RAP2A: variants seen among roughly 807,000 people sequenced by gnomAD.
RAP2A encodes RAP2A, member of RAS oncogene family.
In RAP2A, 5 loss-of-function variants were observed where a neutral mutation model predicts 15.1. That is an observed-to-expected ratio of 0.33 (90% CI 0.17 to 0.70). RAP2A has a LOEUF of 0.70. Among genes scored for constraint, RAP2A ranks in the 30% least tolerant of loss-of-function variants. The pLI is 0.68. For synonymous variants in RAP2A, 110 were observed against 99.7 expected (o/e 1.10, Z -0.62); for missense variants, 111 against 240.3 (o/e 0.46, Z 3.56).
intron 1 of RAP2A, among the ~76,000 whole-genome samples, chr13:97,458,102 T>C (rs1477420207): frequency 6.6e-6 from 1 of 152,142 alleles, no homozygotes; most frequent in Non-Finnish European, 1.5e-5. Flanking sequence ...AGACGTAAGC[T>C]CCAAAGCCAT....
chr13:97,434,862 T>C, intron 1 of RAP2A, 78 bp downstream of exon 1: 1 of 1,564,552 alleles, frequency 6.4e-7, no homozygotes, highest in Admixed American at 1.8e-5. Flanking sequence ...CGCGCGGGGC[T>C]CCGGGGAAGG....
chr13:97,434,343 C>T lies in RAP2A; in HGVS notation c.-128C>T, dbSNP rs1342812819. On this transcript the variant is annotated 5_prime_UTR_variant, in exon 1 of 2. Coordinates refer to ENST00000245304, the MANE Select transcript of RAP2A (RefSeq NM_021033.7). Reference sequence around the variant, plus strand: ...GCCGCCGGCGCCCAGGGGGCCGCCGCGGCTGTGAGGTGGGGGCGGCAGCGG... The same window carrying T: ...GCCGCCGGCGCCCAGGGGGCCGCCGTGGCTGTGAGGTGGGGGCGGCAGCGG... 1.9e-4 allele frequency: 140 copies of T among 756,344 alleles called. No individual in the cohort carries two copies. In the African/African-American group the frequency reaches 2.5e-3, roughly 14 times the overall value. 46.9% of individuals were successfully genotyped at this position (756,344 alleles called of 1,614,324 possible).
At chr13:97,461,967 A>ATAT (rs1566475698) in intron 1 of RAP2A, among the ~76,000 whole-genome samples, 2 of 138,572 alleles carry the variant, frequency 1.4e-5, no homozygotes, top group Non-Finnish European at 3.1e-5. Flanking sequence ...CGTCTCAAAA[A>ATAT]AAAAATATAT....
At chr13:97,436,421 C>T (rs1336510689) in intron 1 of RAP2A, among the ~76,000 whole-genome samples, 2 of 152,090 alleles carry the variant, frequency 1.3e-5, no homozygotes, top group Non-Finnish European at 2.9e-5. Flanking sequence ...AGGCCAAATG[C>T]ATACATCAAA....
chr13:97,452,728 G>A (rs922035182), intron 1 of RAP2A, among the ~76,000 whole-genome samples: 4 of 151,046 alleles, frequency 2.6e-5, no homozygotes, highest in African/African-American at 7.3e-5. Context: ...AAGTCAATTA[G>A]TAGAGAAATT....
intron 1 of RAP2A, among the ~76,000 whole-genome samples, chr13:97,461,990 T>TATATATATATATA (rs1566475726): frequency 4.2e-5 from 6 of 141,778 alleles, no homozygotes; most frequent in African/African-American, 1.6e-4. Flanking sequence ...ATATATATAT[T>TATATATATATATA]TATATATTTA....
intron 1 of RAP2A, among the ~76,000 whole-genome samples, chr13:97,461,198 G>C (rs1482657603): frequency 6.6e-6 from 1 of 152,290 alleles, no homozygotes; most frequent in Non-Finnish European, 1.5e-5. Flanking sequence ...GGCAGAACTG[G>C]AAGCAGAGCC....
chr13:97,447,339 C>T (rs1295248766), intron 1 of RAP2A, among the ~76,000 whole-genome samples: 1 of 152,176 alleles, frequency 6.6e-6, no homozygotes, highest in Admixed American at 6.5e-5. Context: ...CTGCCGTCTC[C>T]CCCTTCACTC....
At chr13:97,446,261 ACTCT>A (rs986400546) in intron 1 of RAP2A, among the ~76,000 whole-genome samples, 2 of 149,578 alleles carry the variant, frequency 1.3e-5, no homozygotes, top group African/African-American at 4.9e-5. Flanking sequence ...GTTACCTCAA[ACTCT>A]CTCTTTTTTT....
chr13:97,434,437 G>GGGCGGCGGC lies in RAP2A; in HGVS notation c.-21_-13dup, dbSNP rs755279212. On this transcript the variant is annotated 5_prime_UTR_variant, in exon 1 of 2. Transcript: ENST00000245304. ...CGCGGCCGGCGTAGGTCTATGTCGCGGGCGGCGGCGGCGGCGGCGGCCGCG... is the reference window on the plus strand; with the variant it reads ...CGCGGCCGGCGTAGGTCTATGTCGCGGGCGGCGGCGGCGGCGGCGGCGGCGGCGGCCGCG... The GGGCGGCGGC allele has an allele frequency of 5.8e-6, 9 of 1,543,570 alleles. No individual in the cohort carries two copies. Among genetic ancestry groups the GGGCGGCGGC allele is most frequent in the East Asian group, 4.6e-5 (2 of 43,276 alleles).
At chr13:97,450,130 CTTCT>C (rs2066696326) in intron 1 of RAP2A, among the ~76,000 whole-genome samples, 1 of 152,130 alleles carries the variant, frequency 6.6e-6, no homozygotes, top group Admixed American at 6.6e-5. Context: ...AGCTTTCAAG[CTTCT>C]TTATTTAAAT....
chr13:97,453,247 G>GA (rs2066709974), intron 1 of RAP2A, among the ~76,000 whole-genome samples: 1 of 151,092 alleles, frequency 6.6e-6, no homozygotes, highest in Non-Finnish European at 1.5e-5. Context: ...GTTTTTCCCA[G>GA]TGAGGTAACA....
chr13:97,454,029 T>C (rs1686739485), intron 1 of RAP2A, among the ~76,000 whole-genome samples: 1 of 151,338 alleles, frequency 6.6e-6, no homozygotes, highest in African/African-American at 2.4e-5. Context: ...GAGATCTTTC[T>C]ATGTTCTAGA....
chr13:97,450,809 A>G (rs184890345), intron 1 of RAP2A, among the ~76,000 whole-genome samples: 1 of 152,226 alleles, frequency 6.6e-6, no homozygotes, highest in Admixed American at 6.5e-5. Flanking sequence ...TTCTAATTAA[A>G]AAAACAGATT....
At position 97,458,439 on chromosome 13, in the gene RAP2A, T is replaced by G. The variant is rs554734382; in HGVS notation, c.315-5766T>G. ...GTGAATAAATGAAGGGAAGAAGGAA[T>G]TGAGTCTGGACTTGCCGCATATGGA... On this transcript the variant is annotated intron_variant, in intron 1 of 1. Coordinates refer to ENST00000245304, the MANE Select transcript of RAP2A (RefSeq NM_021033.7). Among the ~76,000 whole-genome samples, 55 of 152,298 alleles carry G rather than the reference T, an allele frequency of 3.6e-4. 1 individual carries two copies. Among genetic ancestry groups the G allele is most frequent in the African/African-American group, 1.2e-3 (50 of 41,574 alleles).
chr13:97,458,886 A>G (rs540439510), intron 1 of RAP2A, among the ~76,000 whole-genome samples: 1 of 152,216 alleles, frequency 6.6e-6, no homozygotes, highest in Non-Finnish European at 1.5e-5. Flanking sequence ...AAGTGATGCT[A>G]CAGCCAGTAT....
chr13:97,441,456 T>C (rs2066657226), intron 1 of RAP2A, among the ~76,000 whole-genome samples: 1 of 152,182 alleles, frequency 6.6e-6, no homozygotes, highest in African/African-American at 2.4e-5. Flanking sequence ...AGTGATTTAA[T>C]TTCTGTGTGT....
In RAP2A at chr13:97,462,471, T is replaced by TC. The variant is rs540341891; in HGVS notation, c.315-1732dup. Among the ~76,000 whole-genome samples the TC allele has an allele frequency of 2.5e-3, 383 of 152,268 alleles. 4 individuals are homozygous for TC. Among genetic ancestry groups the TC allele is most frequent in the African/African-American group, 8.8e-3 (364 of 41,538 alleles). On this transcript the variant is annotated intron_variant, in intron 1 of 1. Transcript: ENST00000245304. ...GCTTTATTCTCACTGCCACTTGCCC[T>TC]CCTAGAGGCCATGGGATGCACAAAT...
intron 1 of RAP2A, among the ~76,000 whole-genome samples, chr13:97,444,698 CTTTCA>C (rs1374387792): frequency 2.6e-5 from 4 of 152,116 alleles, no homozygotes; most frequent in East Asian, 3.8e-4. Context: ...TTTAAAGACA[CTTTCA>C]TTTCTAAGTT....
Sources: gnomAD v4.1 joint callset for allele counts (sites outside exome capture counted in the v4.1 genomes callset) on GRCh38, gnomAD v4.1.1 for gene constraint, MANE v1.5 for transcripts, NCBI Gene and HGNC (gene_info 2026-07-23, HGNC 2026-07-21) for gene names.